SPATA13: variants seen among roughly 807,000 people sequenced by gnomAD.
SPATA13 encodes the protein spermatogenesis associated 13, also known as spermatogenesis-associated protein 13.
SPATA13 carries 50 observed loss-of-function variants against 104.0 expected under a neutral mutation model. The ratio of observed to expected loss-of-function variants is 0.48; its 90% CI spans 0.38 to 0.61. SPATA13 has a LOEUF of 0.61. Among genes scored for constraint, SPATA13 ranks in the 20% least tolerant of loss-of-function variants. The pLI is 0.00. For missense variants in SPATA13, 1,524 were observed against 1,690.6 expected (o/e 0.90, Z 1.73); for synonymous variants, 606 against 667.5 (o/e 0.91, Z 1.42).
At chr13:24,023,796 A>G (rs1001663875) in intron 3 of SPATA13, among the ~76,000 whole-genome samples, 1 of 152,230 alleles carries the variant, frequency 6.6e-6, no homozygotes, top group African/African-American at 2.4e-5. Context: ...AGAAGCCTCC[A>G]GAAGAGAATC....
chr13:24,078,499 T>A (rs568993732), intron 3 of SPATA13, among the ~76,000 whole-genome samples: 5 of 152,338 alleles, frequency 3.3e-5, no homozygotes, highest in African/African-American at 1.2e-4. Flanking sequence ...TTTTAGTGAC[T>A]AGTGGAGCCA....
intron 3 of SPATA13, among the ~76,000 whole-genome samples, chr13:24,055,674 C>G (rs1171696787): frequency 6.6e-6 from 1 of 152,228 alleles, no homozygotes; most frequent in African/African-American, 2.4e-5. Context: ...TGGGACTTTA[C>G]TCGCCAGGTG....
intron 10 of SPATA13, among the ~76,000 whole-genome samples, chr13:24,295,882 C>T (rs139146508): frequency 2.1e-4 from 32 of 152,244 alleles, no homozygotes; most frequent in Non-Finnish European, 4.1e-4. Flanking sequence ...GGTTAAATAA[C>T]TTGCCCAAGA....
chr13:24,191,543 T>C (rs1249814568), intron 1 of SPATA13, among the ~76,000 whole-genome samples: 3 of 138,824 alleles, frequency 2.2e-5, no homozygotes, highest in Non-Finnish European at 3.1e-5. Context: ...GGAGTCTTGC[T>C]CTGTCACTCA....
In SPATA13 at chr13:24,251,828, T is replaced by C. The variant is rs1343398854; in HGVS notation, c.2130T>C (p.Arg710=). 6.2e-7 allele frequency: 1 copy of C among 1,613,912 alleles called. No homozygotes were observed. The highest frequency in any genetic ancestry group is 8.5e-7 in the Non-Finnish European group (1 of 1,179,898). ...FSQSTPIGLD[R]VGRRRQMRAS... ...AGAGCACCCCCATTGGGTTGGACCG[T>C]GTGGGACGCCGGCGGCAGATGAGAG... Residue 710 remains arginine (R), a synonymous_variant, in exon 4 of 13, where the codon CGT becomes CGC. Coordinates refer to ENST00000382108, the MANE Select transcript of SPATA13 (RefSeq NM_001166271.3).
chr13:24,258,314 A>C (rs565438743), intron 4 of SPATA13, among the ~76,000 whole-genome samples: 3 of 144,108 alleles, frequency 2.1e-5, no homozygotes, highest in African/African-American at 5.3e-5. Flanking sequence ...GATGTGTGAA[A>C]TTGGTCCTTG....
At chr13:24,260,893 C>T (rs1199860238) in intron 4 of SPATA13, among the ~76,000 whole-genome samples, 2 of 152,210 alleles carry the variant, frequency 1.3e-5, no homozygotes, top group Admixed American at 6.5e-5. Context: ...TGAATGATTG[C>T]ACCTATGTAT....
At chr13:24,010,855 G>A (rs1442268029) in intron 2 of SPATA13, among the ~76,000 whole-genome samples, 1 of 151,972 alleles carries the variant, frequency 6.6e-6, no homozygotes, top group Non-Finnish European at 1.5e-5. Flanking sequence ...ACCATTCCTA[G>A]AATCCACCCT....
intron 3 of SPATA13, chr13:24,122,300 TA>T: frequency 7.3e-7 from 1 of 1,363,458 alleles, no homozygotes; most frequent in Non-Finnish European, 1.1e-6. Context: ...AGTTTGAAAC[TA>T]TTCAAACTAT....
chr13:24,213,654 C>G (rs908922907), intron 1 of SPATA13, among the ~76,000 whole-genome samples: 1 of 152,164 alleles, frequency 6.6e-6, no homozygotes, highest in African/African-American at 2.4e-5. Context: ...AGTCAAAGAT[C>G]CAGTTCATCT....
intron 4 of SPATA13, among the ~76,000 whole-genome samples, chr13:24,281,574 A>G (rs926593646): frequency 5.3e-4 from 81 of 152,152 alleles, no homozygotes; most frequent in African/African-American, 1.9e-3. Flanking sequence ...GGACGTAAGC[A>G]GCTGGTTCTC....
intron 3 of SPATA13, among the ~76,000 whole-genome samples, chr13:24,141,054 A>G (rs1881745876): frequency 6.6e-6 from 1 of 152,070 alleles, no homozygotes; most frequent in Non-Finnish European, 1.5e-5. Context: ...GAGCACCTGT[A>G]ATCCCAGCTA....
intron 2 of SPATA13, among the ~76,000 whole-genome samples, chr13:23,989,294 C>A (rs765414224): frequency 1.3e-5 from 2 of 151,806 alleles, no homozygotes; most frequent in Non-Finnish European, 2.9e-5. Context: ...TAGTAGCATG[C>A]GCCTGTAGTC....
chr13:23,986,553 G>GT, intron 2 of SPATA13, among the ~76,000 whole-genome samples: 1 of 152,286 alleles, frequency 6.6e-6, no homozygotes, highest in East Asian at 1.9e-4. Context: ...TTATCCAGGA[G>GT]TCCCCTAGTG....
upstream of SPATA13, among the ~76,000 whole-genome samples, chr13:24,159,724 C>T (rs1031106797): frequency 6.6e-6 from 1 of 152,148 alleles, no homozygotes; most frequent in Non-Finnish European, 1.5e-5. Context: ...AAAAAACATA[C>T]ATAAAATTAA....
intron 2 of SPATA13, among the ~76,000 whole-genome samples, chr13:23,984,302 CAG>C (rs1184901991): frequency 1.3e-5 from 2 of 152,232 alleles, no homozygotes; most frequent in African/African-American, 4.8e-5. Context: ...CACCAGTCAT[CAG>C]AGTCTCAAAG....
At chr13:24,104,161 G>A (rs1880359351) in intron 3 of SPATA13, among the ~76,000 whole-genome samples, 1 of 152,070 alleles carries the variant, frequency 6.6e-6, no homozygotes, top group Admixed American at 6.5e-5. Context: ...ATGTGTACGT[G>A]CTGAGAAAAT....
intron 3 of SPATA13, among the ~76,000 whole-genome samples, chr13:24,065,590 A>G (rs1878928632): frequency 1.2e-5 from 1 of 82,302 alleles, no homozygotes; most frequent in South Asian, 8.0e-4. Context: ...GATAACAAAA[A>G]TATAAGCTCC....
At chr13:24,111,596 G>A (rs1227811384) in intron 3 of SPATA13, among the ~76,000 whole-genome samples, 1 of 152,114 alleles carries the variant, frequency 6.6e-6, no homozygotes, top group South Asian at 2.1e-4. Context: ...TGTAGAGATG[G>A]GTTTTCACCG....
Sources: gnomAD v4.1 joint callset for allele counts (sites outside exome capture counted in the v4.1 genomes callset) on GRCh38, gnomAD v4.1.1 for gene constraint, MANE v1.5 for transcripts, NCBI Gene and HGNC (gene_info 2026-07-23, HGNC 2026-07-21) for gene names.